The following COLEC12 variants were observed in gnomAD, a reference collection of about 807,000 sequenced individuals.
COLEC12 encodes collectin subfamily member 12.
Under a neutral mutation model 71.1 loss-of-function variants are expected in COLEC12, and 33 were observed. The ratio of observed to expected loss-of-function variants is 0.46; its 90% CI spans 0.35 to 0.62. The LOEUF (loss-of-function observed/expected upper bound fraction) is 0.62, where lower values mean the gene tolerates loss of function less well. Ranked by LOEUF, COLEC12 falls within the 20% of genes least tolerant of loss-of-function variation. The pLI is 0.00. For synonymous variants in COLEC12, 350 were observed against 353.0 expected, an observed-to-expected ratio of 0.99 and a Z score of 0.10; for missense variants, 765 against 916.1, an observed-to-expected ratio of 0.84 and a Z score of 2.13.
At position 334,794 on chromosome 18, in the gene COLEC12, C is replaced by T. The variant is rs770117856; in HGVS notation, c.1764G>A (p.Ala588=). 2.4e-5 allele frequency: 36 copies of T among 1,497,018 alleles called. No homozygotes were observed. The highest frequency in any genetic ancestry group is 2.3e-4 in the Middle Eastern group (1 of 4,334). 92.7% of individuals were successfully genotyped at this position (1,497,018 alleles called of 1,614,324 possible). A position where few individuals can be genotyped will look rare whatever the true frequency, so the allele number is the denominator to read the frequency against. Residue 588 remains alanine, a synonymous_variant, in exon 6 of 10, where the codon GCG becomes GCA. Coordinates refer to ENST00000400256, the MANE Select transcript of COLEC12 (RefSeq NM_130386.3). ...GPPGPPGPSG[A]VVPLALQNEP... ...CATTCTGCAGGGCCAGGGGCACCAC[C>T]GCTCCTGATGGGCCAGGAGGGCCGG...
rs760418006 is a variant in COLEC12, at chr18:368,684, G to GA, written c.59-11163dup. Reference sequence around the variant, plus strand: ...TCGAGACCAGCCTGGCTAACATGGTGAAACCCCGTCTCCACTAAAAAATAC... The same window carrying GA: ...TCGAGACCAGCCTGGCTAACATGGTGAAAACCCCGTCTCCACTAAAAAATAC... On this transcript the variant is annotated intron_variant, in intron 2 of 9. Coordinates refer to ENST00000400256, the MANE Select transcript of COLEC12 (RefSeq NM_130386.3). 3.7e-3 allele frequency among the ~76,000 whole-genome samples: 555 copies of GA among 151,346 alleles called. 5 individuals carry two copies. The highest frequency in any genetic ancestry group is 6.6e-3 in the Non-Finnish European group (446 of 67,908).
chr18:346,844 C>T lies in COLEC12; in HGVS notation c.778G>A (p.Glu260Lys). ...AGCGTCTGCAAGCTCTGCACTTTCTCCTTCAGCCAATCCGTGTCCTTCTTG... is the reference window on the plus strand; with the variant it reads ...AGCGTCTGCAAGCTCTGCACTTTCTTCTTCAGCCAATCCGTGTCCTTCTTG... The part of the protein sequence containing the change: ...QAKKDTDWLK[E>K]KVQSLQTLAA... The change falls in exon 5 of 10, where the codon GAG (glutamate) becomes AAG (lysine). Residue 260 changes from glutamate to lysine, a missense_variant. Physicochemically the swap from Glu to Lys is moderately conservative, Grantham distance 56 (BLOSUM62 1). Coordinates refer to ENST00000400256, the MANE Select transcript of COLEC12 (RefSeq NM_130386.3). The surrounding 1 kb of genome is among the most constrained non-coding windows in gnomAD (Gnocchi z 4.0). 6.2e-7 allele frequency: 1 copy of T among 1,614,186 alleles called. No homozygotes were observed. Among genetic ancestry groups the T allele is most frequent in the Non-Finnish European group, 8.5e-7 (1 of 1,180,006 alleles).
chr18:341,871 G>A (rs187894692), intron 5 of COLEC12, among the ~76,000 whole-genome samples: 74 of 152,204 alleles, frequency 4.9e-4, no homozygotes, highest in African/African-American at 1.5e-3. Context: ...GATGACTCTC[G>A]GAAGAGCAGA....
intron 1 of COLEC12, among the ~76,000 whole-genome samples, chr18:494,614 A>T (rs534384544): frequency 6.6e-6 from 1 of 152,360 alleles, no homozygotes; most frequent in East Asian, 1.9e-4. Flanking sequence ...ATCACTAAAC[A>T]TAATTGTATT....
At chr18:479,606 T>C (rs897394395) in intron 2 of COLEC12, among the ~76,000 whole-genome samples, 2 of 151,998 alleles carry the variant, frequency 1.3e-5, no homozygotes, top group Non-Finnish European at 2.9e-5. Flanking sequence ...TTTTCTCCTC[T>C]ATCCTTCTCC....
chr18:500,440 G>C lies in COLEC12; in HGVS notation c.7+68C>G. The C allele has an allele frequency of 2.2e-5, 23 of 1,059,348 alleles. No homozygotes were observed. The highest frequency in any genetic ancestry group is 1.6e-5 in the Non-Finnish European group (14 of 852,264). 65.6% of individuals were successfully genotyped at this position (1,059,348 alleles called of 1,614,324 possible). ...GAAGGTTCGCGCGGGAGGCACCTCCGTGGCCTCCCGCGCGCCCCGAAGCCC... is the reference window on the plus strand; with the variant it reads ...GAAGGTTCGCGCGGGAGGCACCTCCCTGGCCTCCCGCGCGCCCCGAAGCCC... On this transcript the variant is annotated intron_variant, in intron 1 of 9. Transcript: ENST00000400256. The surrounding 1 kb of genome is among the most constrained non-coding windows in gnomAD (Gnocchi z 5.3).
chr18:444,045 T>C (rs1233948649), intron 2 of COLEC12, among the ~76,000 whole-genome samples: 5 of 152,168 alleles, frequency 3.3e-5, no homozygotes, highest in Admixed American at 3.3e-4. Context: ...GTACAGCCGG[T>C]ACAACCATGA....
intron 2 of COLEC12, among the ~76,000 whole-genome samples, chr18:394,844 A>G (rs1915535406): frequency 2.0e-5 from 3 of 152,194 alleles, no homozygotes; most frequent in Admixed American, 2.0e-4. Flanking sequence ...TCAAACAGAA[A>G]CTAAGTACAA....
In COLEC12 at chr18:321,789, C is replaced by T; in HGVS notation, c.2082G>A (p.Gln694=). The T allele has an allele frequency of 1.2e-6, 2 of 1,613,980 alleles. No individual in the cohort carries two copies. Among genetic ancestry groups the T allele is most frequent in the Non-Finnish European group, 8.5e-7 (1 of 1,179,968 alleles). ...CATGGCCATGACCCCAGTTATCCGG[C>T]TGTCCAGCTTTCCAATTTCTTTTAG... ...SPDYKNWKAG[Q]PDNWGHGHGP... Residue 694 remains glutamine (Q), a synonymous_variant, in exon 9 of 10, where the codon CAG becomes CAA. Coordinates refer to ENST00000400256, the MANE Select transcript of COLEC12 (RefSeq NM_130386.3).
At chr18:499,355 G>A (rs1797589013) in intron 1 of COLEC12, among the ~76,000 whole-genome samples, 1 of 152,214 alleles carries the variant, frequency 6.6e-6, no homozygotes, top group African/African-American at 2.4e-5. Flanking sequence ...CCTTGGAAAG[G>A]GAGTGAATTG....
chr18:383,197 G>A (rs1457354600), intron 2 of COLEC12, among the ~76,000 whole-genome samples: 1 of 152,076 alleles, frequency 6.6e-6, no homozygotes, highest in Non-Finnish European at 1.5e-5. Flanking sequence ...AGAATTAAAG[G>A]TGAATTTTTT....
At chr18:370,230 A>G (rs1474028684) in intron 2 of COLEC12, among the ~76,000 whole-genome samples, 1 of 152,248 alleles carries the variant, frequency 6.6e-6, no homozygotes. Flanking sequence ...CCAGCTCTGG[A>G]AACAAGTGAA....
At chr18:409,153 T>C (rs1915843944) in intron 2 of COLEC12, among the ~76,000 whole-genome samples, 2 of 152,196 alleles carry the variant, frequency 1.3e-5, no homozygotes, top group South Asian at 4.1e-4. Flanking sequence ...ACACTTATTA[T>C]CAGCTTATTC....
At chr18:390,825 T>C (rs1174380227) in intron 2 of COLEC12, among the ~76,000 whole-genome samples, 1 of 150,440 alleles carries the variant, frequency 6.6e-6, no homozygotes, top group Non-Finnish European at 1.5e-5. Context: ...GTGCATGCAC[T>C]GTCATCCTCA....
chr18:459,826 G>A (rs1916944016), intron 2 of COLEC12, among the ~76,000 whole-genome samples: 1 of 152,212 alleles, frequency 6.6e-6, no homozygotes, highest in Non-Finnish European at 1.5e-5. Flanking sequence ...GGTTAACCCT[G>A]AAACCAATCT....
chr18:397,735 C>A (rs1915600294), intron 2 of COLEC12, among the ~76,000 whole-genome samples: 1 of 152,160 alleles, frequency 6.6e-6, no homozygotes, highest in Non-Finnish European at 1.5e-5. Flanking sequence ...CTAGATAATA[C>A]CTCACTGATA....
intron 2 of COLEC12, among the ~76,000 whole-genome samples, chr18:427,441 A>C (rs1414384161): frequency 6.6e-6 from 1 of 152,206 alleles, no homozygotes; most frequent in African/African-American, 2.4e-5. Flanking sequence ...GAGGTCATCA[A>C]GTCCACGTTG....
At chr18:398,093 C>G (rs1339022928) in intron 2 of COLEC12, among the ~76,000 whole-genome samples, 1 of 152,166 alleles carries the variant, frequency 6.6e-6, no homozygotes, top group Non-Finnish European at 1.5e-5. Context: ...AAAAGCAGAA[C>G]ATGTCTTCAT....
chr18:375,901 T>G (rs1223604438), intron 2 of COLEC12, among the ~76,000 whole-genome samples: 1 of 152,344 alleles, frequency 6.6e-6, no homozygotes, highest in East Asian at 1.9e-4. Context: ...GGGTCTATAC[T>G]AAGAACTACA....
Sources: gnomAD v4.1 joint callset for allele counts (sites outside exome capture counted in the v4.1 genomes callset) on GRCh38, gnomAD v4.1.1 for gene constraint, Gnocchi (gnomAD v3.1) non-coding constraint, MANE v1.5 for transcripts, NCBI Gene and HGNC (gene_info 2026-07-23, HGNC 2026-07-21) for gene names.